The following ADCY5 variants were observed in gnomAD, a reference collection of about 807,000 sequenced individuals.
ADCY5 encodes adenylate cyclase type 5.
ADCY5 carries 30 observed loss-of-function variants against 119.7 expected under a neutral mutation model. The observed-to-expected ratio is 0.25, with a 90% CI of 0.19 to 0.34. ADCY5 has a LOEUF of 0.34. Among genes scored for constraint, ADCY5 ranks in the 10% least tolerant of loss-of-function variants. The pLI is 1.00. For missense variants in ADCY5, 1,324 were observed against 1,775.2 expected, an observed-to-expected ratio of 0.75 and a Z score of 4.57; for synonymous variants, 753 against 762.2, an observed-to-expected ratio of 0.99 and a Z score of 0.20.
At position 123,352,640 on chromosome 3, in the gene ADCY5, A is replaced by C; in HGVS notation, c.1135-59T>G. 6.5e-7 allele frequency: 1 copy of C among 1,546,712 alleles called. No individual in the cohort carries two copies. Among genetic ancestry groups the C allele is most frequent in the South Asian group, 1.2e-5 (1 of 83,170 alleles). On this transcript the variant is annotated intron_variant, in intron 1 of 20. Transcript: ENST00000462833. The surrounding 1 kb of genome is among the most constrained non-coding windows in gnomAD (Gnocchi z 4.8). Reference sequence around the variant, plus strand: ...ATCCTGACCTTCCTGGCCCCAAAGCATGAAGCCCTCAGCCCCTGTCTCAGC... The same window carrying C: ...ATCCTGACCTTCCTGGCCCCAAAGCCTGAAGCCCTCAGCCCCTGTCTCAGC...
intron 1 of ADCY5, among the ~76,000 whole-genome samples, chr3:123,427,047 T>C (rs1218538824): frequency 1.3e-5 from 2 of 152,146 alleles, no homozygotes; most frequent in South Asian, 2.1e-4. Context: ...GATCTCCTGA[T>C]TGGGGGACAT....
intron 1 of ADCY5, among the ~76,000 whole-genome samples, chr3:123,426,966 A>G (rs1009159081): frequency 6.6e-6 from 1 of 152,182 alleles, no homozygotes; most frequent in Non-Finnish European, 1.5e-5. Context: ...CAAGAAAAGG[A>G]GGAAGGCCTT....
chr3:123,287,857 G>A (rs1037913297), intron 19 of ADCY5, among the ~76,000 whole-genome samples: 7 of 152,066 alleles, frequency 4.6e-5, no homozygotes, highest in East Asian at 1.9e-4. Context: ...CTGCCTGCCC[G>A]GCTCCTTATC....
chr3:123,328,691 A>G lies in ADCY5; in HGVS notation c.1758T>C (p.Ser586=). 1 of 1,614,212 alleles carries G rather than the reference A, an allele frequency of 6.2e-7. No individual in the cohort carries two copies. Among genetic ancestry groups the G allele is most frequent in the South Asian group, 1.1e-5 (1 of 91,088 alleles). ...GLRKWQFDVW[S]NDVTLANHME... is the part of the protein sequence containing the mutation. ...TGTGGTTGGCTAGCGTGACATCGTT[A>G]GACCAGACGTCGAACTGCCACTTCC... The change falls in exon 6 of 21, where the codon TCT becomes TCC. Residue 586 remains serine (S), a synonymous_variant. Transcript: ENST00000462833.
At position 123,312,992 on chromosome 3, in the gene ADCY5, A is replaced by AG. The variant is rs966494584; in HGVS notation, c.2442+1242dup. 1.8e-4 allele frequency among the ~76,000 whole-genome samples: 28 copies of AG among 152,290 alleles called. No homozygotes were observed. In the East Asian group the frequency reaches 4.0e-3, roughly 22 times the overall value. The stretch of plus-strand genomic sequence containing the variant: ...AGGGAGGCTGTGGCCTTGAGGAAGG[A>AG]GGGTCAGTGGACAGGCAGGGAACCA... On this transcript the variant is annotated intron_variant, in intron 12 of 20. Transcript: ENST00000462833.
At chr3:123,445,828 G>A (rs1163332173) in intron 1 of ADCY5, among the ~76,000 whole-genome samples, 1 of 152,214 alleles carries the variant, frequency 6.6e-6, no homozygotes, top group East Asian at 1.9e-4. Flanking sequence ...TGAGAGAATA[G>A]AGGAGGAAAA....
chr3:123,325,846 G>A (rs998868347), intron 7 of ADCY5, among the ~76,000 whole-genome samples: 6 of 152,244 alleles, frequency 3.9e-5, no homozygotes, highest in African/African-American at 1.4e-4. Flanking sequence ...CTGAGCTGAC[G>A]CACCCAGCTG....
chr3:123,428,051 G>C (rs1171897352), intron 1 of ADCY5, among the ~76,000 whole-genome samples: 5 of 152,330 alleles, frequency 3.3e-5, no homozygotes, highest in South Asian at 4.1e-4. Context: ...AGGATCAACG[G>C]ACAGGGACCC....
intron 1 of ADCY5, chr3:123,416,159 GGC>G (rs1199622530): frequency 1.5e-5 from 23 of 1,535,810 alleles, no homozygotes; most frequent in Admixed American, 3.9e-5. Flanking sequence ...TAGTGTGGGA[GGC>G]CTGAGGTGGC....
intron 1 of ADCY5, among the ~76,000 whole-genome samples, chr3:123,375,619 C>T (rs1384004576): frequency 8.5e-5 from 13 of 152,238 alleles, no homozygotes; most frequent in Non-Finnish European, 1.5e-4. Flanking sequence ...TAAGAGTCTG[C>T]CCCAAGAATG....
chr3:123,363,485 A>T (rs892597985), intron 1 of ADCY5, among the ~76,000 whole-genome samples: 3 of 152,246 alleles, frequency 2.0e-5, no homozygotes, highest in African/African-American at 7.2e-5. Flanking sequence ...CCAATAAGTT[A>T]GTCCCCTCCC....
intron 7 of ADCY5, among the ~76,000 whole-genome samples, chr3:123,326,638 G>A (rs187585635): frequency 6.6e-6 from 1 of 152,112 alleles, no homozygotes; most frequent in African/African-American, 2.4e-5. Context: ...GCTTACAAAC[G>A]TGTCAAGGAA....
chr3:123,292,666 G>A (rs1402551043), intron 17 of ADCY5, among the ~76,000 whole-genome samples: 1 of 152,172 alleles, frequency 6.6e-6, no homozygotes, highest in Non-Finnish European at 1.5e-5. Flanking sequence ...CCATGAATAA[G>A]GCTACCTGTG....
rs1941432898 is a variant in ADCY5, at chr3:123,325,417, T to C, written c.1993A>G (p.Asn665Asp). 1 of 1,614,042 alleles carries C rather than the reference T, an allele frequency of 6.2e-7. No homozygotes were observed. The highest frequency in any genetic ancestry group is 1.7e-5 in the Admixed American group (1 of 60,016). Reference sequence around the variant, plus strand: ...TGTGGTGGGTTGTGCCCGATGGAGTTGGTTCTCTGGCGGTTCATCTTGGCG... The same window carrying C: ...TGTGGTGGGTTGTGCCCGATGGAGTCGGTTCTCTGGCGGTTCATCTTGGCG... ...MIAKMNRQRT[N>D]SIGHNPPHWG... The change falls in exon 8 of 21, where the codon AAC (asparagine) becomes GAC (aspartate). Residue 665 changes from asparagine (N) to aspartate (D), a missense_variant. Transcript: ENST00000462833.
At chr3:123,367,776 C>T in intron 1 of ADCY5, 1 of 1,343,928 alleles carries the variant, frequency 7.4e-7, no homozygotes, top group Non-Finnish European at 1.0e-6. Context: ...CTAGCCTGAT[C>T]CACTCATGCC....
chr3:123,426,320 G>T (rs139239890), intron 1 of ADCY5, among the ~76,000 whole-genome samples: 1,254 of 34,150 alleles, frequency 0.037, 18 homozygotes, highest in African/African-American at 0.096. Context: ...GTTTGTTTTT[G>T]TTTGTTTGTT....
intron 8 of ADCY5, among the ~76,000 whole-genome samples, chr3:123,323,363 A>T (rs1484648587): frequency 1.3e-5 from 2 of 152,222 alleles, no homozygotes; most frequent in Non-Finnish European, 2.9e-5. Flanking sequence ...CTTATAGTCC[A>T]AACTATCTCC....
At chr3:123,288,344 T>C (rs1178975897) in intron 19 of ADCY5, among the ~76,000 whole-genome samples, 2 of 152,220 alleles carry the variant, frequency 1.3e-5, no homozygotes, top group Non-Finnish European at 2.9e-5. Context: ...TTTTTAAAAA[T>C]TTGAAATCTG....
At chr3:123,317,321 T>A (rs1940964590) in intron 11 of ADCY5, among the ~76,000 whole-genome samples, 2 of 132,068 alleles carry the variant, frequency 1.5e-5, no homozygotes, top group African/African-American at 5.6e-5. Flanking sequence ...AAAACCTGCA[T>A]CTTTTGAAGA....
Sources: allele counts gnomAD v4.1 joint callset (sites outside exome capture counted in the v4.1 genomes callset), GRCh38; gene constraint gnomAD v4.1.1; non-coding constraint Gnocchi (gnomAD v3.1); transcripts MANE v1.5; gene names NCBI Gene and HGNC (gene_info 2026-07-23, HGNC 2026-07-21).